TMEM178B: variants seen among roughly 807,000 people sequenced by gnomAD.
TMEM178B encodes the protein transmembrane protein 178B.
TMEM178B carries 5 observed loss-of-function variants against 31.0 expected under a neutral mutation model. The ratio of observed to expected loss-of-function variants is 0.16; its 90% CI spans 0.08 to 0.34. The LOEUF (loss-of-function observed/expected upper bound fraction) is 0.34. Among genes scored for constraint, TMEM178B ranks in the 10% least tolerant of loss-of-function variants. TMEM178B has a pLI of 1.00. For missense variants in TMEM178B, 275 were observed against 400.3 expected (o/e 0.69, Z 2.67); for synonymous variants, 164 against 164.0 (o/e 1.00, Z 0.00).
chr7:141,240,153 G>A (rs761126258), intron 2 of TMEM178B, among the ~76,000 whole-genome samples: 9 of 152,148 alleles, frequency 5.9e-5, no homozygotes, highest in Non-Finnish European at 1.2e-4. Flanking sequence ...GTGTGCAGTA[G>A]CCATGTGTGG....
At chr7:141,168,718 T>A (rs1796300008) in intron 1 of TMEM178B, among the ~76,000 whole-genome samples, 1 of 151,618 alleles carries the variant, frequency 6.6e-6, no homozygotes, top group Non-Finnish European at 1.5e-5. Context: ...TGCAGTGAGC[T>A]GAGATCATGC....
intron 2 of TMEM178B, among the ~76,000 whole-genome samples, chr7:141,377,424 C>T (rs1237580946): frequency 6.6e-6 from 1 of 151,724 alleles, no homozygotes; most frequent in African/African-American, 2.4e-5. Flanking sequence ...GTCAGGTGAT[C>T]TGCCTGCCTC....
chr7:141,427,914 A>G (rs1038973806), intron 2 of TMEM178B, among the ~76,000 whole-genome samples: 3 of 152,256 alleles, frequency 2.0e-5, no homozygotes, highest in Non-Finnish European at 2.9e-5. Flanking sequence ...CATTTCTCAA[A>G]AGAAGACATA....
intron 3 of TMEM178B, among the ~76,000 whole-genome samples, chr7:141,442,129 C>A (rs1437498267): frequency 2.6e-5 from 4 of 152,178 alleles, no homozygotes; most frequent in African/African-American, 9.7e-5. Flanking sequence ...TCCTGTGATT[C>A]CCTTGCTGGG....
In TMEM178B at chr7:141,074,912, C is replaced by T. The variant is rs972832836; in HGVS notation, c.382+220C>T. ...ACTCTCTCCCCTGCCTCTCCTTTCG[C>T]GCGTCTCTGTCGGGATTCGAGTGGA... On this transcript the variant is annotated intron_variant, in intron 1 of 3. Transcript: ENST00000565468. The surrounding 1 kb of genome is among the most constrained non-coding windows in gnomAD (Gnocchi z 5.1). 6.6e-6 allele frequency among the ~76,000 whole-genome samples: 1 copy of T among 152,188 alleles called. No individual in the cohort carries two copies. Among genetic ancestry groups the T allele is most frequent in the East Asian group, 1.9e-4 (1 of 5,190 alleles).
intron 2 of TMEM178B, among the ~76,000 whole-genome samples, chr7:141,350,703 A>G (rs922832087): frequency 6.6e-6 from 1 of 152,222 alleles, no homozygotes; most frequent in African/African-American, 2.4e-5. Flanking sequence ...TTAAATTACA[A>G]AATATTTCAG....
chr7:141,206,975 C>T (rs924760338), intron 1 of TMEM178B, among the ~76,000 whole-genome samples: 3 of 152,194 alleles, frequency 2.0e-5, no homozygotes, highest in Non-Finnish European at 4.4e-5. Context: ...CTACCATTCT[C>T]CTCTCTATTT....
chr7:141,079,987 A>T (rs1339507507), intron 1 of TMEM178B, among the ~76,000 whole-genome samples: 1 of 152,162 alleles, frequency 6.6e-6, no homozygotes, highest in East Asian at 1.9e-4. Flanking sequence ...CTTAGAATCT[A>T]TCGGGGCAGG....
intron 1 of TMEM178B, among the ~76,000 whole-genome samples, chr7:141,105,282 C>A (rs767696670): frequency 1.3e-5 from 2 of 152,002 alleles, no homozygotes; most frequent in Non-Finnish European, 2.9e-5. Context: ...CCGAGGTGGG[C>A]GGATCACTTG....
In TMEM178B at chr7:141,212,730, T is replaced by G. The variant is rs1222588710; in HGVS notation, c.496+26T>G. 2.6e-6 allele frequency: 4 copies of G among 1,512,744 alleles called. No homozygotes were observed. The Admixed American group carries it at 7.9e-5, about 30-fold the overall frequency. 93.7% of individuals were successfully genotyped at this position (1,512,744 alleles called of 1,614,324 possible). A position where few individuals can be genotyped will look rare whatever the true frequency, so the allele number is the denominator to read the frequency against. On this transcript the variant is annotated intron_variant, in intron 2 of 3. Transcript: ENST00000565468. ...GTAAGTGCACCTGAGTCTCAGTGGCTGTGACTGTGCTGTGAGGTCCCCTTT... is the reference window on the plus strand; with the variant it reads ...GTAAGTGCACCTGAGTCTCAGTGGCGGTGACTGTGCTGTGAGGTCCCCTTT...
intron 3 of TMEM178B, among the ~76,000 whole-genome samples, chr7:141,466,646 A>T (rs565691739): frequency 6.6e-5 from 10 of 152,154 alleles, no homozygotes; most frequent in Admixed American, 2.6e-4. Flanking sequence ...TCCTTGGGTG[A>T]CCTCAATCCC....
chr7:141,139,791 C>A (rs1795741250), intron 1 of TMEM178B, among the ~76,000 whole-genome samples: 1 of 149,448 alleles, frequency 6.7e-6, no homozygotes, highest in Non-Finnish European at 1.5e-5. Flanking sequence ...GAGACAGAGT[C>A]TCTCACTCTT....
the TMEM178B span, among the ~76,000 whole-genome samples, chr7:141,485,883 A>C: frequency 6.6e-6 from 1 of 152,204 alleles, no homozygotes; most frequent in African/African-American, 2.4e-5. Flanking sequence ...CTCCCTCTAC[A>C]TTCACAATGT....
At chr7:141,352,044 CA>C (rs1249686426) in intron 2 of TMEM178B, 2 of 152,466 alleles carry the variant, frequency 1.3e-5, no homozygotes, top group Non-Finnish European at 2.9e-5. Flanking sequence ...CCTTGCTCCC[CA>C]AACCCATCAC....
chr7:141,435,998 C>T (rs932902490), intron 2 of TMEM178B, among the ~76,000 whole-genome samples: 5 of 152,258 alleles, frequency 3.3e-5, no homozygotes, highest in African/African-American at 4.8e-5. Context: ...TCCTGTGCCC[C>T]GTCTCTCCCC....
At chr7:141,338,944 C>T (rs1158581439) in intron 2 of TMEM178B, among the ~76,000 whole-genome samples, 1 of 152,206 alleles carries the variant, frequency 6.6e-6, no homozygotes, top group African/African-American at 2.4e-5. Flanking sequence ...GACCTAGAAG[C>T]TAGAGCTGCC....
chr7:141,181,450 C>T (rs907464937), intron 1 of TMEM178B, among the ~76,000 whole-genome samples: 6 of 152,016 alleles, frequency 3.9e-5, no homozygotes, highest in South Asian at 2.1e-4. Flanking sequence ...GTAGACCAGT[C>T]GATTCTGAAA....
At chr7:141,282,585 A>T (rs1798384226) in intron 2 of TMEM178B, among the ~76,000 whole-genome samples, 1 of 152,254 alleles carries the variant, frequency 6.6e-6, no homozygotes, top group Non-Finnish European at 1.5e-5. Context: ...TTCATTAATG[A>T]TCACTCCATT....
At chr7:141,190,373 G>A (rs1302478474) in intron 1 of TMEM178B, among the ~76,000 whole-genome samples, 1 of 151,914 alleles carries the variant, frequency 6.6e-6, no homozygotes, top group African/African-American at 2.4e-5. Context: ...GAGTACAGGG[G>A]TGTGATCACA....
Sources: allele counts gnomAD v4.1 joint callset (sites outside exome capture counted in the v4.1 genomes callset), GRCh38; gene constraint gnomAD v4.1.1; non-coding constraint Gnocchi (gnomAD v3.1); transcripts MANE v1.5; gene names NCBI Gene and HGNC (gene_info 2026-07-23, HGNC 2026-07-21).